NR6A1: variants seen among roughly 807,000 people sequenced by gnomAD.
NR6A1 encodes nuclear receptor subfamily 6 group A member 1.
In NR6A1, 7 loss-of-function variants were observed where a neutral mutation model predicts 59.1. The ratio of observed to expected loss-of-function variants is 0.12; its 90% CI spans 0.07 to 0.22. The LOEUF (loss-of-function observed/expected upper bound fraction) is 0.22. NR6A1 is among the 10% of genes least tolerant of loss of function. The pLI is 1.00. For synonymous variants in NR6A1, 243 were observed against 236.1 expected (o/e 1.03, Z -0.27); for missense variants, 468 against 611.6 (o/e 0.77, Z 2.48).
chr9:124,551,480 T>C (rs1405905452), intron 3 of NR6A1, among the ~76,000 whole-genome samples: 2 of 152,228 alleles, frequency 1.3e-5, no homozygotes, highest in African/African-American at 2.4e-5. Context: ...TACTCTATTA[T>C]ACAAATGAAG....
At chr9:124,524,908 G>A (rs1339582631) in intron 8 of NR6A1, 35 bp from the exon 9 acceptor site, 2 of 1,566,856 alleles carry the variant, frequency 1.3e-6, no homozygotes, top group Admixed American at 3.9e-5. Flanking sequence ...CACACATACA[G>A]GGAATGGGAT....
intron 2 of NR6A1, among the ~76,000 whole-genome samples, chr9:124,696,637 C>T (rs1165322167): frequency 6.6e-6 from 1 of 150,690 alleles, no homozygotes; most frequent in Non-Finnish European, 1.5e-5. Flanking sequence ...ATCCTCTCAC[C>T]TCAGCCTCCA....
chr9:124,743,673 A>G (rs1340279587), intron 1 of NR6A1, among the ~76,000 whole-genome samples: 1 of 152,228 alleles, frequency 6.6e-6, no homozygotes, highest in Non-Finnish European at 1.5e-5. Context: ...ATGACATTTC[A>G]ATTTTAAAAC....
At chr9:124,581,121 T>G (rs537475953) in intron 2 of NR6A1, among the ~76,000 whole-genome samples, 46 of 152,102 alleles carry the variant, frequency 3.0e-4, no homozygotes, top group Non-Finnish European at 6.0e-4. Context: ...CAAGATGGAT[T>G]AAAGACTTAA....
chr9:124,694,186 T>C (rs1268209500), intron 2 of NR6A1, among the ~76,000 whole-genome samples: 2 of 152,182 alleles, frequency 1.3e-5, no homozygotes, highest in Non-Finnish European at 2.9e-5. Context: ...ATAATTATAA[T>C]AAACTTATTA....
intron 2 of NR6A1, among the ~76,000 whole-genome samples, chr9:124,633,291 T>A (rs1836499346): frequency 6.7e-6 from 1 of 149,024 alleles, no homozygotes; most frequent in South Asian, 2.1e-4. Flanking sequence ...TAGTCCCAGC[T>A]ACACGGGAGG....
chr9:124,691,401 T>C (rs964538332), intron 2 of NR6A1, among the ~76,000 whole-genome samples: 1 of 152,230 alleles, frequency 6.6e-6, no homozygotes, highest in Non-Finnish European at 1.5e-5. Flanking sequence ...AAGCAAATAG[T>C]AATAACTATC....
intron 2 of NR6A1, among the ~76,000 whole-genome samples, chr9:124,588,610 C>G (rs1293530648): frequency 6.7e-6 from 1 of 148,634 alleles, no homozygotes; most frequent in Non-Finnish European, 1.5e-5. Flanking sequence ...CCCAGGAACA[C>G]GTCGTACTGT....
intron 2 of NR6A1, among the ~76,000 whole-genome samples, chr9:124,710,207 G>A (rs1047370017): frequency 9.2e-5 from 14 of 152,148 alleles, no homozygotes; most frequent in Non-Finnish European, 2.1e-4. Flanking sequence ...ATCATTACAT[G>A]AAGGACTTTA....
chr9:124,667,397 A>G (rs1837657174), intron 2 of NR6A1, among the ~76,000 whole-genome samples: 1 of 152,102 alleles, frequency 6.6e-6, no homozygotes, highest in Non-Finnish European at 1.5e-5. Flanking sequence ...TTAAAAAATA[A>G]CAGGTTTCAA....
chr9:124,644,292 A>ATTTTTTTC (rs1836868769), intron 2 of NR6A1, among the ~76,000 whole-genome samples: 1 of 4,558 alleles, frequency 2.2e-4, no homozygotes, highest in African/African-American at 8.5e-4. Context: ...TTTTTTTTTG[A>ATTTTTTTC]GACATGGTTT....
At chr9:124,564,681 CTGTGTGTGTGTGTGTGTG>C (rs56301413) in intron 2 of NR6A1, among the ~76,000 whole-genome samples, 1 of 149,278 alleles carries the variant, frequency 6.7e-6, no homozygotes, top group Admixed American at 6.7e-5. Flanking sequence ...AATCCACACT[CTGTGTGTGTGTGTGTGTG>C]TGTGTGTGTG....
At chr9:124,695,284 T>A (rs931424821) in intron 2 of NR6A1, among the ~76,000 whole-genome samples, 1 of 152,218 alleles carries the variant, frequency 6.6e-6, no homozygotes, top group African/African-American at 2.4e-5. Flanking sequence ...TCTGATGTTT[T>A]ATGGAAATGA....
At chr9:124,593,792 C>G (rs554024477) in intron 2 of NR6A1, among the ~76,000 whole-genome samples, 1 of 152,132 alleles carries the variant, frequency 6.6e-6, no homozygotes, top group East Asian at 1.9e-4. Flanking sequence ...GCCTCTCTTA[C>G]GGCTCTCTCT....
chr9:124,647,164 A>G (rs994457725), intron 2 of NR6A1, among the ~76,000 whole-genome samples: 1 of 152,138 alleles, frequency 6.6e-6, no homozygotes, highest in South Asian at 2.1e-4. Flanking sequence ...TGATCCTCCT[A>G]CCTTGGCCTC....
chr9:124,522,672 T>C lies in NR6A1; in HGVS notation c.*33A>G, dbSNP rs1832826808. On this transcript the variant is annotated 3_prime_UTR_variant, in exon 10 of 10. Transcript: ENST00000487099. Reference sequence around the variant, plus strand: ...AGCCTGTCCTGCCCACCCAAGACGCTGTGGTTGGCCTGAGGAGGGCGCCTG... The same window carrying C: ...AGCCTGTCCTGCCCACCCAAGACGCCGTGGTTGGCCTGAGGAGGGCGCCTG... 1 of 1,533,382 alleles carries C rather than the reference T, an allele frequency of 6.5e-7. No individual in the cohort carries two copies. The highest frequency in any genetic ancestry group is 1.4e-5 in the African/African-American group (1 of 72,890). The allele number at this position is 1,533,382 out of a possible 1,614,324, so 95.0% of individuals were successfully genotyped here.
chr9:124,522,487 T>C lies in NR6A1; in HGVS notation c.*218A>G. The C allele has an allele frequency of 2.6e-6, 1 of 389,670 alleles. No homozygotes were observed. Among genetic ancestry groups the C allele is most frequent in the Non-Finnish European group, 4.8e-6 (1 of 207,870 alleles). The allele number at this position is 389,670 out of a possible 1,614,324, so 24.1% of individuals were successfully genotyped here. A position where few individuals can be genotyped will look rare whatever the true frequency, so the allele number is the denominator to read the frequency against. On this transcript the variant is annotated 3_prime_UTR_variant, in exon 10 of 10. Coordinates refer to ENST00000487099, the MANE Select transcript of NR6A1 (RefSeq NM_033334.4). ...CTGCATTCACACAAAAGCATGTGCA[T>C]CATGTTGAAGGCCATACATTCAACT...
At chr9:124,695,246 T>C (rs1167031417) in intron 2 of NR6A1, among the ~76,000 whole-genome samples, 1 of 152,200 alleles carries the variant, frequency 6.6e-6, no homozygotes, top group African/African-American at 2.4e-5. Flanking sequence ...TGCACCATGT[T>C]TGGTGGCCAA....
At chr9:124,768,823 T>C (rs559962041) in intron 1 of NR6A1, among the ~76,000 whole-genome samples, 4 of 152,330 alleles carry the variant, frequency 2.6e-5, no homozygotes, top group African/African-American at 9.6e-5. Context: ...TCAAGTAGAA[T>C]TGAAAGCAAT....
Sources: allele counts gnomAD v4.1 joint callset (sites outside exome capture counted in the v4.1 genomes callset), GRCh38; gene constraint gnomAD v4.1.1; transcripts MANE v1.5; gene names NCBI Gene and HGNC (gene_info 2026-07-23, HGNC 2026-07-21).